The following WIF1 variants were observed in gnomAD, a reference collection of about 807,000 sequenced individuals.
WIF1 encodes the protein Wnt inhibitory factor 1.
WIF1 carries 35 observed loss-of-function variants against 53.5 expected under a neutral mutation model. The observed-to-expected ratio is 0.65, with a 90% CI of 0.50 to 0.87. WIF1 has a LOEUF of 0.87. Ranked by LOEUF, WIF1 falls within the 40% of genes least tolerant of loss-of-function variation. WIF1 has a pLI of 0.00. For missense variants in WIF1, 467 were observed against 476.8 expected (o/e 0.98, Z 0.19); for synonymous variants, 171 against 170.4 (o/e 1.00, Z -0.03).
chr12:65,056,019 T>C lies in WIF1; in HGVS notation c.922+12A>G. 1.2e-6 allele frequency: 2 copies of C among 1,612,734 alleles called. No homozygotes were observed. The highest frequency in any genetic ancestry group is 1.7e-6 in the Non-Finnish European group (2 of 1,179,248). On this transcript the variant is annotated intron_variant, in intron 8 of 9. Transcript: ENST00000286574. Reference sequence around the variant, plus strand: ...TAGTAGCCCAGATTGGCAATGTGTATGGGGTACTTACGCTTTGAACAGAGG... The same window carrying C: ...TAGTAGCCCAGATTGGCAATGTGTACGGGGTACTTACGCTTTGAACAGAGG...
At chr12:65,083,741 CTTTT>C in intron 2 of WIF1, 1 of 330,496 alleles carries the variant, frequency 3.0e-6, no homozygotes, top group Admixed American at 4.1e-5. Flanking sequence ...TTTCTCTTTT[CTTTT>C]CTTTCCTTTC....
chr12:65,113,269 T>C (rs1411798423), intron 2 of WIF1, among the ~76,000 whole-genome samples: 1 of 152,210 alleles, frequency 6.6e-6, no homozygotes, highest in East Asian at 1.9e-4. Flanking sequence ...AGGGACATTT[T>C]TGCTGAACTC....
intron 4 of WIF1, among the ~76,000 whole-genome samples, chr12:65,068,244 G>A (rs536828353): frequency 2.2e-4 from 33 of 152,228 alleles, no homozygotes; most frequent in African/African-American, 7.7e-4. Flanking sequence ...ATAGTTAAAT[G>A]GGCATCTGGG....
chr12:65,090,576 G>A (rs537076016), intron 2 of WIF1, among the ~76,000 whole-genome samples: 2 of 152,230 alleles, frequency 1.3e-5, no homozygotes, highest in South Asian at 4.2e-4. Flanking sequence ...GTCAGGAACA[G>A]CTTGCTTGAG....
intron 2 of WIF1, among the ~76,000 whole-genome samples, chr12:65,118,478 C>T (rs560879227): frequency 4.6e-5 from 7 of 150,788 alleles, no homozygotes; most frequent in African/African-American, 1.7e-4. Flanking sequence ...ACCCTTTCCC[C>T]AGAAAGCAGA....
chr12:65,107,419 T>C (rs1029653742), intron 2 of WIF1, among the ~76,000 whole-genome samples: 7 of 151,426 alleles, frequency 4.6e-5, no homozygotes, highest in Admixed American at 4.6e-4. Context: ...AGGTCAGGAG[T>C]TCAAGACCAG....
At chr12:65,065,148 CT>C (rs1882669042) in intron 6 of WIF1, among the ~76,000 whole-genome samples, 1 of 152,092 alleles carries the variant, frequency 6.6e-6, no homozygotes, top group African/African-American at 2.4e-5. Flanking sequence ...TAAAAGACCA[CT>C]TTAAAAAAGG....
At chr12:65,116,598 G>A (rs1883514345) in intron 2 of WIF1, among the ~76,000 whole-genome samples, 1 of 151,924 alleles carries the variant, frequency 6.6e-6, no homozygotes, top group South Asian at 2.1e-4. Flanking sequence ...TCCATGTAAT[G>A]CACTTGAATC....
intron 2 of WIF1, among the ~76,000 whole-genome samples, chr12:65,085,801 C>T (rs956691164): frequency 4.6e-5 from 7 of 152,262 alleles, no homozygotes; most frequent in African/African-American, 1.7e-4. Context: ...TAAACACATC[C>T]AGGACTATGA....
chr12:65,077,321 T>A (rs960686669), intron 3 of WIF1, among the ~76,000 whole-genome samples: 1 of 152,024 alleles, frequency 6.6e-6, no homozygotes, highest in African/African-American at 2.4e-5. Flanking sequence ...CTCCTTCAAA[T>A]TCTAATTTAA....
chr12:65,081,007 A>G (rs1269006001), intron 2 of WIF1, among the ~76,000 whole-genome samples: 1 of 152,090 alleles, frequency 6.6e-6, no homozygotes, highest in Non-Finnish European at 1.5e-5. Context: ...AAAACTAGAC[A>G]CCAAGATTAA....
chr12:65,084,576 T>G (rs1461931988), intron 2 of WIF1, among the ~76,000 whole-genome samples: 8 of 152,230 alleles, frequency 5.3e-5, no homozygotes, highest in African/African-American at 1.9e-4. Context: ...GTTTATATCT[T>G]GTATTCTCAT....
intron 2 of WIF1, among the ~76,000 whole-genome samples, chr12:65,080,452 G>C (rs1882929655): frequency 6.6e-6 from 1 of 152,134 alleles, no homozygotes; most frequent in South Asian, 2.1e-4. Flanking sequence ...CTTTGAAAGA[G>C]AGAACAGTAT....
At chr12:65,090,954 G>A (rs1883112921) in intron 2 of WIF1, among the ~76,000 whole-genome samples, 1 of 152,136 alleles carries the variant, frequency 6.6e-6, no homozygotes, top group South Asian at 2.1e-4. Context: ...GTGATCAACA[G>A]AGGGTCTCTG....
intron 2 of WIF1, among the ~76,000 whole-genome samples, chr12:65,116,221 C>T (rs1294599901): frequency 6.6e-6 from 1 of 152,152 alleles, no homozygotes; most frequent in Admixed American, 6.5e-5. Flanking sequence ...ACCCTCGGGG[C>T]ACATGTCAGT....
chr12:65,067,630 G>A (rs899866788), intron 5 of WIF1, 65 bp downstream of exon 5: 2 of 1,479,876 alleles, frequency 1.4e-6, no homozygotes, highest in East Asian at 2.3e-5. Context: ...CAATACACAT[G>A]GGGCTCCTGC....
intron 3 of WIF1, among the ~76,000 whole-genome samples, chr12:65,073,457 T>C (rs986796431): frequency 1.3e-5 from 2 of 152,188 alleles, no homozygotes; most frequent in African/African-American, 4.8e-5. Context: ...CATGAAACTG[T>C]TTTTTGTTAT....
intron 2 of WIF1, among the ~76,000 whole-genome samples, chr12:65,110,375 GC>G (rs1883412488): frequency 6.6e-6 from 1 of 151,736 alleles, no homozygotes; most frequent in Non-Finnish European, 1.5e-5. Flanking sequence ...TTCTCCCTGT[GC>G]CTTCCTCCCA....
In WIF1 at chr12:65,117,543, C is replaced by T. The variant is rs114750751; in HGVS notation, c.288+2874G>A. Among the ~76,000 whole-genome samples, 1,168 of 152,080 alleles carry T rather than the reference C, an allele frequency of 7.7e-3. 20 individuals are homozygous for T. Among genetic ancestry groups the T allele is most frequent in the African/African-American group, 0.027 (1,115 of 41,518 alleles). On this transcript the variant is annotated intron_variant, in intron 2 of 9. Coordinates refer to ENST00000286574, the MANE Select transcript of WIF1 (RefSeq NM_007191.5). Reference sequence around the variant, plus strand: ...GAAGACATTTTTTCCATGGACCGGGCGGTGGAGGAATAATTTCTGGATGCT... The same window carrying T: ...GAAGACATTTTTTCCATGGACCGGGTGGTGGAGGAATAATTTCTGGATGCT...
Sources: allele counts gnomAD v4.1 joint callset (sites outside exome capture counted in the v4.1 genomes callset), GRCh38; gene constraint gnomAD v4.1.1; transcripts MANE v1.5; gene names NCBI Gene and HGNC (gene_info 2026-07-23, HGNC 2026-07-21).